The following STK36 variants were observed in gnomAD, a reference collection of about 807,000 sequenced individuals.
STK36 encodes serine/threonine-protein kinase 36.
STK36 carries 116 observed loss-of-function variants against 142.2 expected under a neutral mutation model. The ratio of observed to expected loss-of-function variants is 0.82; its 90% CI spans 0.70 to 0.95. The LOEUF (loss-of-function observed/expected upper bound fraction) is 0.95, where lower values mean the gene tolerates loss of function less well. Among genes scored for constraint, STK36 ranks in the 40% least tolerant of loss-of-function variants. The probability of loss-of-function intolerance (pLI) is 0.00; values close to 1 mark genes in which losing one functional copy is unlikely to be tolerated. For missense variants in STK36, 1,422 were observed against 1,617.2 expected, an observed-to-expected ratio of 0.88 and a Z score of 2.07; for synonymous variants, 619 against 641.7, an observed-to-expected ratio of 0.96 and a Z score of 0.53.
chr2:218,696,760 T>C, intron 22 of STK36, 159 bp downstream of exon 22: 2 of 932,446 alleles, frequency 2.1e-6, no homozygotes, highest in Non-Finnish European at 1.8e-6. Context: ...CCCTCAGTAC[T>C]GACCCTTTGA....
At chr2:218,686,204 G>T (rs1940771478) in intron 11 of STK36, among the ~76,000 whole-genome samples, 1 of 152,054 alleles carries the variant, frequency 6.6e-6, no homozygotes, top group South Asian at 2.1e-4. Flanking sequence ...CTCCCAAAGT[G>T]CTGGGATTAC....
intron 10 of STK36, chr2:218,684,847 G>A (rs534330153): frequency 2.0e-5 from 8 of 406,066 alleles, no homozygotes; most frequent in East Asian, 1.1e-4. Context: ...TGCAGCGGAC[G>A]TCTTTCTAGG....
intron 14 of STK36, among the ~76,000 whole-genome samples, chr2:218,691,454 T>C (rs543549671): frequency 1.3e-5 from 2 of 152,338 alleles, no homozygotes; most frequent in Non-Finnish European, 2.9e-5. Flanking sequence ...TCTCATGTCA[T>C]ATGCTATGAA....
chr2:218,689,979 A>G (rs190732808), intron 13 of STK36, 23 bp downstream of exon 13: 134 of 1,557,936 alleles, frequency 8.6e-5, no homozygotes, highest in Non-Finnish European at 3.5e-6. Flanking sequence ...GTGCTTTTGC[A>G]TTGTTGGCAA....
rs186168977 is a variant in STK36 at position 218,702,365 on chromosome 2, C to T, written c.*356C>T. On this transcript the variant is annotated 3_prime_UTR_variant, in exon 27 of 27. Transcript: ENST00000295709. ...TCTTCCTTTCTGGAGCTCCTTTAAT[C>T]TTCCCAGCAGGTTTTTGCCTTAGAC... 18 of 181,106 alleles carry T rather than the reference C, an allele frequency of 9.9e-5. No homozygotes were observed. The highest frequency in any genetic ancestry group is 2.4e-4 in the Admixed American group (4 of 16,840). The allele number at this position is 181,106 out of a possible 1,614,324, so 11.2% of individuals were successfully genotyped here.
chr2:218,687,255 A>G (rs1172059498), intron 11 of STK36, among the ~76,000 whole-genome samples: 1 of 152,182 alleles, frequency 6.6e-6, no homozygotes, highest in East Asian at 1.9e-4. Flanking sequence ...AAAATGTTGA[A>G]TTTTGATTTA....
chr2:218,701,853 C>T lies in STK36; in HGVS notation c.3805-13C>T. The T allele has an allele frequency of 1.2e-6, 2 of 1,613,788 alleles. No homozygotes were observed. ...CTCATGTTCTGTTCTATCATCTGTT[C>T]TCTATCCTACAGGTACTGGTGTCCC... On this transcript the variant is annotated splice_polypyrimidine_tract_variant and intron_variant, in intron 26 of 26. Coordinates refer to ENST00000295709, the MANE Select transcript of STK36 (RefSeq NM_015690.5).
At chr2:218,692,801 C>T in intron 16 of STK36, 91 bp downstream of exon 16, 1 of 1,468,948 alleles carries the variant, frequency 6.8e-7, no homozygotes, top group Non-Finnish European at 9.0e-7. Flanking sequence ...GAAAAACAAG[C>T]TTTTAAGCCC....
Position 218,676,114 on chromosome 2 carries a change from G to A in STK36, c.520G>A (p.Glu174Lys). The A allele has an allele frequency of 6.2e-7, 1 of 1,614,118 alleles. No individual in the cohort carries two copies. The highest frequency in any genetic ancestry group is 8.5e-7 in the Non-Finnish European group (1 of 1,180,016). The change falls in exon 6 of 27, where the codon GAG becomes AAG. Residue 174 changes from glutamate (E) to lysine (K), a missense_variant. Glu to Lys is a moderately conservative substitution (Grantham distance 56). Transcript: ENST00000295709. ...CTATATGTCTCCAGAGCTGGTGGAGGAGCGACCATACGACCACACAGCGGA... is the reference window on the plus strand; with the variant it reads ...CTATATGTCTCCAGAGCTGGTGGAGAAGCGACCATACGACCACACAGCGGA... ...PLYMSPELVE[E>K]RPYDHTADLW...
At chr2:218,677,281 A>C (rs1559330104) in intron 6 of STK36, among the ~76,000 whole-genome samples, 1 of 152,300 alleles carries the variant, frequency 6.6e-6, no homozygotes, top group South Asian at 2.1e-4. Flanking sequence ...TTCATTCACT[A>C]TCATGAGAAC....
At chr2:218,690,414 G>C (rs1940952262) in intron 13 of STK36, 36 bp from the exon 14 acceptor site, 1 of 1,562,258 alleles carries the variant, frequency 6.4e-7, no homozygotes, top group South Asian at 1.1e-5. Context: ...TTTTAGTAGA[G>C]AGATAAGAAA....
At chr2:218,678,557 C>T (rs976685328) in intron 6 of STK36, among the ~76,000 whole-genome samples, 7 of 152,164 alleles carry the variant, frequency 4.6e-5, no homozygotes, top group Non-Finnish European at 8.8e-5. Flanking sequence ...TCTACTAATA[C>T]CTCTGTTCCT....
At chr2:218,690,246 GA>G (rs143461659) in intron 13 of STK36, among the ~76,000 whole-genome samples, 15 of 151,908 alleles carry the variant, frequency 9.9e-5, no homozygotes, top group Admixed American at 2.6e-4. Context: ...AAGAAAGAAA[GA>G]AAAAAAATAT....
Position 218,676,377 on chromosome 2 carries a change from C to T in STK36, c.684+99C>T, listed in dbSNP as rs549482806. ...ATCCTTTTCCAGAGCTGAGGCGGGA[C>T]TTTGCAGTTACTGAATTAATGGCTG... On this transcript the variant is annotated intron_variant, in intron 6 of 26. Coordinates refer to ENST00000295709, the MANE Select transcript of STK36 (RefSeq NM_015690.5). 4.1e-5 allele frequency: 60 copies of T among 1,456,594 alleles called. No homozygotes were observed. The East Asian group carries it at 1.4e-3, about 33-fold the overall frequency. 90.2% of individuals were successfully genotyped at this position (1,456,594 alleles called of 1,614,324 possible). A position where few individuals can be genotyped will look rare whatever the true frequency, so the allele number is the denominator to read the frequency against.
At chr2:218,695,222 CTTTTTTTTTTTTTT>C (rs531122836) in intron 21 of STK36, among the ~76,000 whole-genome samples, 1 of 88,108 alleles carries the variant, frequency 1.1e-5, no homozygotes. Flanking sequence ...ATTGTCATCC[CTTTTTTTTTTTTTT>C]TTTTTTTTTG....
chr2:218,683,991 G>T, intron 10 of STK36, among the ~76,000 whole-genome samples: 2 of 144,924 alleles, frequency 1.4e-5, no homozygotes, highest in Admixed American at 7.0e-5. Flanking sequence ...AAGAGACAGA[G>T]CCTTACTATA....
At chr2:218,701,764 G>C (rs148642451) in intron 26 of STK36, 102 bp from the exon 27 acceptor site, 3 of 1,403,144 alleles carry the variant, frequency 2.1e-6, no homozygotes, top group Non-Finnish European at 2.9e-6. Context: ...TCCTCTTCTC[G>C]AGTGGGAATT....
rs1940240817 is a variant in STK36 at position 218,676,283 on chromosome 2, T to A, written c.684+5T>A. ...ACCATCAGTCCCTGCTTTAAGGTAA[T>A]GAATATTGAAAGGGAGATGACTTTT... On this transcript the variant is annotated splice_donor_5th_base_variant and intron_variant, in intron 6 of 26. Coordinates refer to ENST00000295709, the MANE Select transcript of STK36 (RefSeq NM_015690.5). The A allele has an allele frequency of 6.2e-7, 1 of 1,613,714 alleles. No individual in the cohort carries two copies. Among genetic ancestry groups the A allele is most frequent in the Non-Finnish European group, 8.5e-7 (1 of 1,179,826 alleles).
At chr2:218,696,977 T>G (rs373203173) in intron 22 of STK36, 62 bp from the exon 23 acceptor site, 4 of 1,603,556 alleles carry the variant, frequency 2.5e-6, no homozygotes, top group Admixed American at 1.7e-5. Context: ...CAGGAATGAA[T>G]AAAAGCATTT....
Sources: gnomAD v4.1 joint callset for allele counts (sites outside exome capture counted in the v4.1 genomes callset) on GRCh38, gnomAD v4.1.1 for gene constraint, MANE v1.5 for transcripts, NCBI Gene and HGNC (gene_info 2026-07-23, HGNC 2026-07-21) for gene names.